The following HIF1AN variants were observed in gnomAD, a reference collection of about 807,000 sequenced individuals.
HIF1AN encodes hypoxia-inducible factor 1-alpha inhibitor.
HIF1AN carries 21 observed loss-of-function variants against 47.7 expected under a neutral mutation model. The ratio of observed to expected loss-of-function variants is 0.44; its 90% CI spans 0.31 to 0.63. The LOEUF is 0.63. Ranked by LOEUF, HIF1AN falls within the 30% of genes least tolerant of loss-of-function variation. HIF1AN has a pLI of 0.07. For synonymous variants in HIF1AN, 152 were observed against 155.9 expected (o/e 0.98, Z 0.18); for missense variants, 320 against 432.7 (o/e 0.74, Z 2.31).
At position 100,558,635 on chromosome 10, in the gene HIF1AN, GCTGA is replaced by G. The variant is rs1297551277; in HGVS notation, c.*10506_*10509del. 6.6e-6 allele frequency: 1 copy of G among 152,192 alleles called. No homozygotes were observed. Among genetic ancestry groups the G allele is most frequent in the Admixed American group, 6.5e-5 (1 of 15,270 alleles). 9.4% of individuals were successfully genotyped at this position (152,192 alleles called of 1,614,324 possible). Reference sequence around the variant, plus strand: ...AATAGCGTCAAACTCAGGGATGTGAGCTGACTGACTGCCTTTTTATGTAATGGAG... The same window carrying G: ...AATAGCGTCAAACTCAGGGATGTGAGCTGACTGCCTTTTTATGTAATGGAG... On this transcript the variant is annotated 3_prime_UTR_variant, in exon 8 of 8. Coordinates refer to ENST00000299163, the MANE Select transcript of HIF1AN (RefSeq NM_017902.3).
intron 7 of HIF1AN, among the ~76,000 whole-genome samples, chr10:100,547,800 G>A (rs1210513703): frequency 1.3e-5 from 2 of 152,192 alleles, no homozygotes; most frequent in Non-Finnish European, 2.9e-5. Flanking sequence ...ACTCTTGGGT[G>A]TTCGGGGATT....
Position 100,536,558 on chromosome 10 carries a change from G to T in HIF1AN, c.325G>T (p.Ala109Ser), listed in dbSNP as rs1346273855. The change falls in exon 2 of 8, where the codon GCC (alanine) becomes TCC (serine). Residue 109 changes from alanine to serine, a missense_variant. By Grantham distance (99) the Ala-to-Ser change is moderately conservative. Around this residue, in one of 2 missense-constraint regions of HIF1AN, gnomAD observed 159 missense variants for 159.9 expected, o/e 0.99. Transcript: ENST00000299163. ...CTTGTACTATGATGAGAAGAAGATG[G>T]CCAATTTCCAGAACTTTAAGCCGAG... ...KFLYYDEKKMANFQNFKPRSN... is the reference protein window; with the variant it reads ...KFLYYDEKKMSNFQNFKPRSN... 1 of 1,614,058 alleles carries T rather than the reference G, an allele frequency of 6.2e-7. No individual in the cohort carries two copies. Among genetic ancestry groups the T allele is most frequent in the African/African-American group, 1.3e-5 (1 of 74,916 alleles).
rs1843222127 is a variant in HIF1AN, at chr10:100,557,247, C to T, written c.*9110C>T. The T allele has an allele frequency of 6.6e-6, 1 of 152,166 alleles. No homozygotes were observed. The highest frequency in any genetic ancestry group is 1.5e-5 in the Non-Finnish European group (1 of 68,072). The allele number at this position is 152,166 out of a possible 1,614,324, so 9.4% of individuals were successfully genotyped here. ...AGAACACAAGCTTCTGGCCAGTGAA[C>T]CTAAGTGAGAATGTCAGTGGACTTT... is the stretch of plus-strand genomic sequence containing the variant. On this transcript the variant is annotated 3_prime_UTR_variant, in exon 8 of 8. Coordinates refer to ENST00000299163, the MANE Select transcript of HIF1AN (RefSeq NM_017902.3).
chr10:100,536,041 A>G lies in HIF1AN; in HGVS notation c.83A>G (p.Asp28Gly), dbSNP rs1184527601. 10 of 1,609,356 alleles carry G rather than the reference A, an allele frequency of 6.2e-6. No homozygotes were observed. Among genetic ancestry groups the G allele is most frequent in the Admixed American group, 1.7e-5 (1 of 59,532 alleles). The change falls in exon 1 of 8, where the codon GAT becomes GGT. Residue 28 changes from aspartate to glycine, a missense_variant. Asp to Gly is a moderately conservative substitution (Grantham distance 94). Around this residue, in one of 2 missense-constraint regions of HIF1AN, gnomAD observed 159 missense variants for 159.9 expected, o/e 0.99. Coordinates refer to ENST00000299163, the MANE Select transcript of HIF1AN (RefSeq NM_017902.3). ...GCTGGAGCCCTCGGCCCCGCCTGGG[A>G]TGAATCCCAGTTGCGCAGTTATAGC... ...EEAGALGPAW[D>G]ESQLRSYSFP... is the part of the protein sequence containing the mutation.
intron 3 of HIF1AN, among the ~76,000 whole-genome samples, chr10:100,541,346 G>A (rs1047438293): frequency 6.6e-6 from 1 of 152,194 alleles, no homozygotes. Flanking sequence ...AACTATGATT[G>A]CACCACTGCA....
rs1843188986 is a variant in HIF1AN, at chr10:100,553,778, C to T, written c.*5641C>T. On this transcript the variant is annotated 3_prime_UTR_variant, in exon 8 of 8. Coordinates refer to ENST00000299163, the MANE Select transcript of HIF1AN (RefSeq NM_017902.3). ...CTTAACCTCTCTGAGCCTCAGTTTC[C>T]TCAACTATAATAACATGGGTGGAGG... 1 of 152,226 alleles carries T rather than the reference C, an allele frequency of 6.6e-6. No homozygotes were observed. Among genetic ancestry groups the T allele is most frequent in the South Asian group, 2.1e-4 (1 of 4,824 alleles). The allele number at this position is 152,226 out of a possible 1,614,324, so 9.4% of individuals were successfully genotyped here. A position where few individuals can be genotyped will look rare whatever the true frequency, so the allele number is the denominator to read the frequency against.
Position 100,546,069 on chromosome 10 carries a change from T to A in HIF1AN, c.830+20T>A. 9.7e-6 allele frequency: 14 copies of A among 1,448,702 alleles called. No homozygotes were observed. The highest frequency in any genetic ancestry group is 1.3e-5 in the Non-Finnish European group (13 of 1,034,466). The allele number at this position is 1,448,702 out of a possible 1,614,324, so 89.7% of individuals were successfully genotyped here. On this transcript the variant is annotated intron_variant, in intron 5 of 7. Transcript: ENST00000299163. ...GTACTGGTGAGAAGGGGGCTAGGGC[T>A]GGGGGCTTTTTGGGAGCTTTCTTTT... is the stretch of plus-strand genomic sequence containing the variant.
intron 3 of HIF1AN, among the ~76,000 whole-genome samples, 182 bp from the exon 4 acceptor site, chr10:100,544,769 T>A (rs1465406162): frequency 6.6e-6 from 1 of 152,216 alleles, no homozygotes; most frequent in Non-Finnish European, 1.5e-5. Flanking sequence ...GTTATTACCA[T>A]ACAAGCTTAA....
chr10:100,550,094 A>G lies in HIF1AN; in HGVS notation c.*1957A>G, dbSNP rs938161377. 3.3e-5 allele frequency: 5 copies of G among 152,196 alleles called. No homozygotes were observed. Among genetic ancestry groups the G allele is most frequent in the African/African-American group, 1.2e-4 (5 of 41,428 alleles). 9.4% of individuals were successfully genotyped at this position (152,196 alleles called of 1,614,324 possible). A position where few individuals can be genotyped will look rare whatever the true frequency, so the allele number is the denominator to read the frequency against. On this transcript the variant is annotated 3_prime_UTR_variant, in exon 8 of 8. Coordinates refer to ENST00000299163, the MANE Select transcript of HIF1AN (RefSeq NM_017902.3). ...CTTGGCCACAGTCACACTTGGAAAG[A>G]TAGTAGATTATTTTCGTTCTCCTCA...
At chr10:100,546,492 AC>A (rs1203645366) in intron 5 of HIF1AN, 25 bp from the exon 6 acceptor site, 2 of 1,602,930 alleles carry the variant, frequency 1.2e-6, no homozygotes, top group African/African-American at 2.7e-5. Flanking sequence ...TCAGTAGTAA[AC>A]AGGAGCCTGT....
At chr10:100,547,474 T>C (rs981340779) in intron 7 of HIF1AN, among the ~76,000 whole-genome samples, 2 of 152,260 alleles carry the variant, frequency 1.3e-5, no homozygotes, top group African/African-American at 4.8e-5. Context: ...CCCATGGGTA[T>C]TATGTACCAT....
At chr10:100,545,409 A>C (rs1661386043) in intron 4 of HIF1AN, 1 of 303,808 alleles carries the variant, frequency 3.3e-6, no homozygotes, top group African/African-American at 2.2e-5. Context: ...GTATGTCTCC[A>C]TTGGATTTAA....
In HIF1AN at chr10:100,556,107, T is replaced by A. The variant is rs4919472; in HGVS notation, c.*7970T>A. ...CCTCTCTTCCCCATCTAGCTTTCTG[T>A]CTAAGTTCCTGTTTCTAGTCTCAGG... On this transcript the variant is annotated 3_prime_UTR_variant, in exon 8 of 8. Coordinates refer to ENST00000299163, the MANE Select transcript of HIF1AN (RefSeq NM_017902.3). 0.21 allele frequency: 31,884 copies of A among 152,094 alleles called. 3,421 individuals carry two copies. Among genetic ancestry groups the A allele is most frequent in the African/African-American group, 0.23 (9,411 of 41,458 alleles). The allele number at this position is 152,094 out of a possible 1,614,324, so 9.4% of individuals were successfully genotyped here.
intron 3 of HIF1AN, among the ~76,000 whole-genome samples, chr10:100,543,407 C>T (rs1214253326): frequency 6.6e-6 from 1 of 152,080 alleles, no homozygotes; most frequent in East Asian, 1.9e-4. Flanking sequence ...GTTGCCCGGA[C>T]TGGTCTCGAA....
At chr10:100,546,930 G>T (rs898176797) in intron 6 of HIF1AN, among the ~76,000 whole-genome samples, 2 of 152,014 alleles carry the variant, frequency 1.3e-5, no homozygotes, top group Non-Finnish European at 2.9e-5. Context: ...AGTAGAGATG[G>T]GGTTTCACCA....
intron 4 of HIF1AN, 103 bp from the exon 5 acceptor site, chr10:100,545,840 T>A (rs1843088140): frequency 1.3e-6 from 1 of 758,206 alleles, no homozygotes; most frequent in South Asian, 1.7e-5. Flanking sequence ...CATCGTTTTT[T>A]TTTTGTTTGT....
rs74436470 is a variant in HIF1AN at position 100,548,272 on chromosome 10, G to A, written c.*135G>A. Reference sequence around the variant, plus strand: ...ACTGGACTCTTGCCATGGCCCAGGAGTCAGGTGTTTGGAGCGAGGCAGGGC... The same window carrying A: ...ACTGGACTCTTGCCATGGCCCAGGAATCAGGTGTTTGGAGCGAGGCAGGGC... On this transcript the variant is annotated 3_prime_UTR_variant, in exon 8 of 8. Coordinates refer to ENST00000299163, the MANE Select transcript of HIF1AN (RefSeq NM_017902.3). 2 of 739,828 alleles carry A rather than the reference G, an allele frequency of 2.7e-6. No homozygotes were observed. Among genetic ancestry groups the A allele is most frequent in the Admixed American group, 6.8e-5 (2 of 29,430 alleles). 45.8% of individuals were successfully genotyped at this position (739,828 alleles called of 1,614,324 possible).
At chr10:100,546,456 T>TCCCCCCCCCC in intron 5 of HIF1AN, 62 bp from the exon 6 acceptor site, 1 of 679,318 alleles carries the variant, frequency 1.5e-6, no homozygotes, top group South Asian at 1.5e-5. Context: ...CCCCCGCACT[T>TCCCCCCCCCC]CGCCCCTCCG....
rs140780017 is a variant in HIF1AN, at chr10:100,549,083, CGTGTGT to C, written c.*961_*966del. ...GTGCGTGCGTGTGTGTGTGTGTGTC[CGTGTGT>C]GTGTGTGTGTGTGTCCACACTGGCC... On this transcript the variant is annotated 3_prime_UTR_variant, in exon 8 of 8. Coordinates refer to ENST00000299163, the MANE Select transcript of HIF1AN (RefSeq NM_017902.3). The C allele has an allele frequency of 7.7e-5, 8 of 103,716 alleles. No individual in the cohort carries two copies. The highest frequency in any genetic ancestry group is 2.5e-4 in the East Asian group (1 of 4,060). 6.4% of individuals were successfully genotyped at this position (103,716 alleles called of 1,614,324 possible).
Sources: gnomAD v4.1 joint callset for allele counts (sites outside exome capture counted in the v4.1 genomes callset) on GRCh38, gnomAD v4.1.1 for gene constraint, gnomAD v4.1.1 regional missense constraint, MANE v1.5 for transcripts, NCBI Gene and HGNC (gene_info 2026-07-23, HGNC 2026-07-21) for gene names.